The following ASH1L variants were observed in gnomAD, a reference collection of about 807,000 sequenced individuals.
The protein encoded by ASH1L is ASH1 like histone lysine methyltransferase, also known as histone-lysine N-methyltransferase ASH1L.
Under a neutral mutation model 269.0 loss-of-function variants are expected in ASH1L, and 23 were observed. The ratio of observed to expected loss-of-function variants is 0.09; its 90% confidence interval spans 0.06 to 0.12. The LOEUF is 0.12. Ranked by LOEUF, ASH1L falls within the 10% of genes least tolerant of loss-of-function variation. The pLI is 1.00. For synonymous variants in ASH1L, 1,187 were observed against 1,253.5 expected (o/e 0.95, Z 1.12); for missense variants, 2,912 against 3,567.8 (o/e 0.82, Z 4.68).
chr1:155,343,492 A>G lies in ASH1L; in HGVS notation c.8121-6T>C. 3.1e-6 allele frequency: 5 copies of G among 1,613,694 alleles called. No homozygotes were observed. Among genetic ancestry groups the G allele is most frequent in the Non-Finnish European group, 4.2e-6 (5 of 1,179,716 alleles). On this transcript the variant is annotated splice_polypyrimidine_tract_variant and splice_region_variant and intron_variant, in intron 23 of 27. Transcript: ENST00000392403. The surrounding 1 kb of genome is among the most constrained non-coding windows in gnomAD (Gnocchi z 6.1). ...CAAAGGCAAACCGTTCCTCTCTAAA[A>G]CAATGGAAAAGTGAGAAGGGAGAGG...
chr1:155,479,994 A>G lies in ASH1L; in HGVS notation c.2876T>C (p.Met959Thr). The change falls in exon 3 of 28, where the codon ATG becomes ACG. Residue 959 changes from methionine (M) to threonine (T), a missense_variant. Met to Thr is a moderately conservative substitution (Grantham distance 81). This residue lies in a region of ASH1L where 715 missense variants were observed against 721.0 expected (regional missense o/e 0.99). Coordinates refer to ENST00000392403, the MANE Select transcript of ASH1L (RefSeq NM_018489.3). ...ATCTGGTTCCATCTCAAGGTCACTC[A>G]TACTACAGACACTTGGCCTATGACT... ...DDSHRPSVCS[M>T]SDLEMEPDKK... 3 of 1,613,994 alleles carry G rather than the reference A, an allele frequency of 1.9e-6. No individual in the cohort carries two copies. Among genetic ancestry groups the G allele is most frequent in the Non-Finnish European group, 2.5e-6 (3 of 1,179,990 alleles).
rs145473879 is a variant in ASH1L, at chr1:155,415,275, G to A, written c.6008+469C>T. Among the ~76,000 whole-genome samples the A allele has an allele frequency of 1.4e-3, 213 of 151,662 alleles. 1 individual carries two copies. Among genetic ancestry groups the A allele is most frequent in the African/African-American group, 5.0e-3 (205 of 41,342 alleles). On this transcript the variant is annotated intron_variant, in intron 6 of 27. Coordinates refer to ENST00000392403, the MANE Select transcript of ASH1L (RefSeq NM_018489.3). Reference sequence around the variant, plus strand: ...GCGGGCCCTGTACTCCCAGCTACTCGGGAGGCTGAGGTAGGAGAATGGCGT... The same window carrying A: ...GCGGGCCCTGTACTCCCAGCTACTCAGGAGGCTGAGGTAGGAGAATGGCGT...
At chr1:155,385,748 A>C (rs1407209177) in intron 7 of ASH1L, among the ~76,000 whole-genome samples, 1 of 152,184 alleles carries the variant, frequency 6.6e-6, no homozygotes, top group Non-Finnish European at 1.5e-5. Flanking sequence ...CTTTTTCTGA[A>C]ACTGCTCCAG....
chr1:155,375,705 G>A (rs1315344555), intron 10 of ASH1L, among the ~76,000 whole-genome samples: 2 of 152,100 alleles, frequency 1.3e-5, no homozygotes, highest in Non-Finnish European at 2.9e-5. Flanking sequence ...GGATGAGGCA[G>A]GAGAATCGCT....
At chr1:155,345,347 A>AT (rs1045530049) in intron 21 of ASH1L, among the ~76,000 whole-genome samples, 6 of 149,110 alleles carry the variant, frequency 4.0e-5, no homozygotes, top group African/African-American at 7.4e-5. Flanking sequence ...CACCCGGCTA[A>AT]TTTTTTTTGC....
chr1:155,478,030 A>T lies in ASH1L; in HGVS notation c.4840T>A (p.Cys1614Ser), dbSNP rs753232834. 3 of 1,614,216 alleles carry T rather than the reference A, an allele frequency of 1.9e-6. No homozygotes were observed. The highest frequency in any genetic ancestry group is 2.5e-6 in the Non-Finnish European group (3 of 1,180,036). ...TNLFTSAIGS[C>S]RVSNPNSSGR... ...CTGGAGTTAGGGTTTGAAACTCTGCAGCTGCCTATTGCACTTGTGAAAAGG... is the reference window on the plus strand; with the variant it reads ...CTGGAGTTAGGGTTTGAAACTCTGCTGCTGCCTATTGCACTTGTGAAAAGG... Residue 1614 changes from cysteine (C) to serine (S), a missense_variant, in exon 3 of 28, where the codon TGC becomes AGC. By Grantham distance (112) the Cys-to-Ser change is moderately radical. This residue lies in a region of ASH1L where 789 missense variants were observed against 897.6 expected (regional missense o/e 0.88). Transcript: ENST00000392403. The surrounding 1 kb of genome is among the most constrained non-coding windows in gnomAD (Gnocchi z 4.6).
intron 13 of ASH1L, among the ~76,000 whole-genome samples, chr1:155,358,073 G>A (rs941378119): frequency 1.3e-5 from 2 of 152,032 alleles, no homozygotes; most frequent in Non-Finnish European, 2.9e-5. Context: ...GACCAGCTGA[G>A]AATAATTTTT....
chr1:155,402,448 A>G lies in ASH1L; in HGVS notation c.6009-6895T>C, dbSNP rs1048377607. On this transcript the variant is annotated intron_variant, in intron 6 of 27. Coordinates refer to ENST00000392403, the MANE Select transcript of ASH1L (RefSeq NM_018489.3). ...GATTACTATATAAACTTTATGCTAA[A>G]AAGTACAGAATGTAAAAAATGGACA... 5.9e-5 allele frequency among the ~76,000 whole-genome samples: 9 copies of G among 152,346 alleles called. 1 individual carries two copies. In the South Asian group the frequency reaches 1.9e-3, roughly 32 times the overall value.
At chr1:155,534,520 T>TTA (rs1002465485) in intron 1 of ASH1L, among the ~76,000 whole-genome samples, 2 of 152,014 alleles carry the variant, frequency 1.3e-5, no homozygotes, top group Admixed American at 6.6e-5. Context: ...ATTTACCAAG[T>TTA]TATATATCAA....
chr1:155,412,113 G>A (rs921932417), intron 6 of ASH1L, among the ~76,000 whole-genome samples: 1 of 151,914 alleles, frequency 6.6e-6, no homozygotes, highest in African/African-American at 2.4e-5. Flanking sequence ...ATGGCGGTGT[G>A]TGCCTGTAGT....
At chr1:155,392,348 G>A (rs1657998572) in intron 7 of ASH1L, among the ~76,000 whole-genome samples, 1 of 152,144 alleles carries the variant, frequency 6.6e-6, no homozygotes. Flanking sequence ...GATAAAAAGA[G>A]CTATACAAGC....
Position 155,362,915 on chromosome 1 carries a change from C to A in ASH1L, c.6687-2506G>T, listed in dbSNP as rs531775329. Among the ~76,000 whole-genome samples, 4 of 152,236 alleles carry A rather than the reference C, an allele frequency of 2.6e-5. No individual in the cohort carries two copies. The East Asian group carries it at 5.8e-4, about 22-fold the overall frequency. ...TTAGATACTGCCCTATTACATGTAA[C>A]CTTGCCTAAAATTTTTAATTTTTAG... On this transcript the variant is annotated intron_variant, in intron 12 of 27. Transcript: ENST00000392403.
chr1:155,436,202 A>T (rs897878510), intron 5 of ASH1L, among the ~76,000 whole-genome samples: 3 of 151,856 alleles, frequency 2.0e-5, no homozygotes, highest in Non-Finnish European at 4.4e-5. Context: ...TTATTTATTT[A>T]TTTTGAGACA....
chr1:155,363,218 C>T (rs1373937605), intron 12 of ASH1L, among the ~76,000 whole-genome samples: 2 of 151,852 alleles, frequency 1.3e-5, no homozygotes, highest in Admixed American at 1.3e-4. Context: ...CCTGACCTCT[C>T]GTGATCCGCC....
At position 155,338,206 on chromosome 1, in the gene ASH1L, C is replaced by T. The variant is rs1325859864; in HGVS notation, c.8686G>A (p.Glu2896Lys). 1 of 1,614,036 alleles carries T rather than the reference C, an allele frequency of 6.2e-7. No homozygotes were observed. The highest frequency in any genetic ancestry group is 1.7e-5 in the Admixed American group (1 of 59,998). The part of the protein sequence containing the change: ...ANVSEGEKKT[E>K]ESSQEPQSTC... Reference sequence around the variant, plus strand: ...GACTGGGGTTCTTGACTACTTTCCTCTGTTTTTTTTTCACCCTCACTGACG... The same window carrying T: ...GACTGGGGTTCTTGACTACTTTCCTTTGTTTTTTTTTCACCCTCACTGACG... The change falls in exon 27 of 28, where the codon GAG becomes AAG. Residue 2896 changes from glutamate to lysine, a missense_variant. Physicochemically the swap from Glu to Lys is moderately conservative, Grantham distance 56. Coordinates refer to ENST00000392403, the MANE Select transcript of ASH1L (RefSeq NM_018489.3).
At chr1:155,488,577 G>A (rs578038464) in intron 2 of ASH1L, among the ~76,000 whole-genome samples, 1 of 141,252 alleles carries the variant, frequency 7.1e-6, no homozygotes, top group African/African-American at 2.6e-5. Flanking sequence ...GCTGAGGCAG[G>A]AGAATCACTT....
chr1:155,409,605 A>G (rs1296826585), intron 6 of ASH1L, among the ~76,000 whole-genome samples: 2 of 152,156 alleles, frequency 1.3e-5, no homozygotes, highest in Non-Finnish European at 2.9e-5. Context: ...TATTCCTGCC[A>G]TGATTTTTAA....
At chr1:155,552,204 C>T (rs1204882865) in intron 1 of ASH1L, among the ~76,000 whole-genome samples, 4 of 152,114 alleles carry the variant, frequency 2.6e-5, no homozygotes, top group Non-Finnish European at 5.9e-5. Flanking sequence ...CAGTGGCTCA[C>T]GCCTGTAATC....
intron 5 of ASH1L, among the ~76,000 whole-genome samples, chr1:155,419,758 A>G (rs1393872612): frequency 6.6e-6 from 1 of 152,224 alleles, no homozygotes; most frequent in African/African-American, 2.4e-5. Context: ...CTTTCATCAT[A>G]TATGTTCAGT....
Sources: gnomAD v4.1 joint callset for allele counts (sites outside exome capture counted in the v4.1 genomes callset) on GRCh38, gnomAD v4.1.1 for gene constraint, gnomAD v4.1.1 regional missense constraint, Gnocchi (gnomAD v3.1) non-coding constraint, MANE v1.5 for transcripts, NCBI Gene and HGNC (gene_info 2026-07-23, HGNC 2026-07-21) for gene names.